TMC1: variants seen among roughly 807,000 people sequenced by gnomAD.
TMC1 encodes the protein transmembrane channel-like protein 1.
In TMC1, 84 loss-of-function variants were observed where a neutral mutation model predicts 105.8. That is an observed-to-expected ratio of 0.79 (90% CI 0.67 to 0.95). The LOEUF is 0.95. Ranked by LOEUF, TMC1 falls within the 40% of genes least tolerant of loss-of-function variation. The probability of loss-of-function intolerance (pLI) is 0.00; values close to 1 mark genes in which losing one functional copy is unlikely to be tolerated. For missense variants in TMC1, 817 were observed against 914.1 expected, an observed-to-expected ratio of 0.89 and a Z score of 1.37; for synonymous variants, 315 against 311.5, an observed-to-expected ratio of 1.01 and a Z score of -0.12.
At chr9:72,710,314 A>G (rs1418028223) in intron 8 of TMC1, among the ~76,000 whole-genome samples, 4 of 152,012 alleles carry the variant, frequency 2.6e-5, no homozygotes, top group African/African-American at 7.2e-5. Flanking sequence ...TGGAATGTAT[A>G]CTCTGTGGTT....
rs915678834 is a variant in TMC1, at chr9:72,638,075, C to T, written c.-53+10012C>T. On this transcript the variant is annotated intron_variant, in intron 4 of 23. Transcript: ENST00000297784. The stretch of plus-strand genomic sequence containing the variant: ...TATTGATCATGCTGCCTCCCACCAC[C>T]ACCCCCTTCATTCCAGATCTGCTCA... Among the ~76,000 whole-genome samples, 9 of 151,888 alleles carry T rather than the reference C, an allele frequency of 5.9e-5. No individual in the cohort carries two copies. In the East Asian group the frequency reaches 1.6e-3, roughly 26 times the overall value.
chr9:72,669,607 C>T (rs1826096679), intron 5 of TMC1, among the ~76,000 whole-genome samples: 1 of 151,824 alleles, frequency 6.6e-6, no homozygotes, highest in Admixed American at 6.6e-5. Flanking sequence ...TAACCCTTCT[C>T]TTAAAATTGG....
At chr9:72,777,068 C>G (rs1463356856) in intron 13 of TMC1, among the ~76,000 whole-genome samples, 3 of 152,088 alleles carry the variant, frequency 2.0e-5, no homozygotes, top group Non-Finnish European at 4.4e-5. Context: ...CTTGCATATT[C>G]CAAGATAAAT....
chr9:72,611,018 G>A (rs950441556), intron 2 of TMC1, among the ~76,000 whole-genome samples: 2 of 152,180 alleles, frequency 1.3e-5, no homozygotes, highest in Admixed American at 1.3e-4. Flanking sequence ...TCAAGACTGG[G>A]TAAATGGAAA....
intron 2 of TMC1, among the ~76,000 whole-genome samples, chr9:72,607,002 TAGAGAG>T (rs57741839): frequency 3.7e-5 from 5 of 134,906 alleles, no homozygotes; most frequent in South Asian, 2.5e-4. Flanking sequence ...TATATATATA[TAGAGAG>T]AGAGAGAGAG....
chr9:72,787,950 C>A (rs1828197750), intron 13 of TMC1, among the ~76,000 whole-genome samples: 1 of 152,124 alleles, frequency 6.6e-6, no homozygotes, highest in Non-Finnish European at 1.5e-5. Context: ...ATGTAAAAGT[C>A]AGTATATATG....
intron 5 of TMC1, among the ~76,000 whole-genome samples, chr9:72,664,188 C>T (rs570731345): frequency 2.0e-5 from 3 of 152,268 alleles, no homozygotes; most frequent in East Asian, 1.9e-4. Flanking sequence ...GTAACAGAGT[C>T]GGTTATTATC....
intron 8 of TMC1, among the ~76,000 whole-genome samples, chr9:72,723,479 A>G (rs1827065309): frequency 6.6e-6 from 1 of 152,204 alleles, no homozygotes; most frequent in Non-Finnish European, 1.5e-5. Flanking sequence ...GCTATAAACT[A>G]TCCTGCATCT....
intron 8 of TMC1, among the ~76,000 whole-genome samples, chr9:72,715,696 G>T (rs143967635): frequency 3.3e-5 from 5 of 151,210 alleles, no homozygotes; most frequent in African/African-American, 4.9e-5. Context: ...CTTTTCATTG[G>T]GTTAGAACAT....
At chr9:72,561,296 C>T (rs1211922922) in intron 1 of TMC1, among the ~76,000 whole-genome samples, 4 of 114,884 alleles carry the variant, frequency 3.5e-5, no homozygotes, top group South Asian at 3.0e-4. Context: ...CCAGCCTGGG[C>T]GGCAGAGCGA....
chr9:72,650,880 A>ATATATATATATATATT, intron 5 of TMC1, among the ~76,000 whole-genome samples: 1 of 131,704 alleles, frequency 7.6e-6, no homozygotes, highest in African/African-American at 2.9e-5. Context: ...TTTTATATAT[A>ATATATATATATATATT]TAGATATATA....
intron 1 of TMC1, among the ~76,000 whole-genome samples, chr9:72,522,547 G>A (rs1014196306): frequency 6.6e-6 from 1 of 152,176 alleles, no homozygotes; most frequent in African/African-American, 2.4e-5. Context: ...TGAGCACAGG[G>A]ACAAGAGAAA....
intron 2 of TMC1, 191 bp downstream of exon 2, chr9:72,578,214 T>C (rs1824417048): frequency 6.6e-6 from 1 of 152,210 alleles, no homozygotes; most frequent in Non-Finnish European, 1.5e-5. Flanking sequence ...TTGAGCACAT[T>C]ATCTTCTCTT....
intron 1 of TMC1, among the ~76,000 whole-genome samples, chr9:72,550,814 G>A (rs1180773266): frequency 6.6e-6 from 1 of 152,096 alleles, no homozygotes; most frequent in Non-Finnish European, 1.5e-5. Context: ...GGAACCTATA[G>A]CTAGATTGCC....
intron 5 of TMC1, among the ~76,000 whole-genome samples, chr9:72,669,257 T>C (rs890383183): frequency 2.6e-5 from 4 of 152,120 alleles, no homozygotes; most frequent in South Asian, 4.2e-4. Context: ...AGCAGTGAGC[T>C]GGAATTGCAC....
At chr9:72,830,739 T>TG in intron 23 of TMC1, 57 bp downstream of exon 23, 2 of 210,064 alleles carry the variant, frequency 9.5e-6, no homozygotes, top group East Asian at 1.9e-4. Flanking sequence ...TTTTTCTTTC[T>TG]TTTTTTTTTT....
At chr9:72,679,205 G>GT (rs763972517) in intron 5 of TMC1, among the ~76,000 whole-genome samples, 1 of 152,072 alleles carries the variant, frequency 6.6e-6, no homozygotes, top group Non-Finnish European at 1.5e-5. Context: ...GGACAAATGG[G>GT]TTTGTTTTTT....
chr9:72,652,641 A>T (rs1825831361), intron 5 of TMC1, among the ~76,000 whole-genome samples: 1 of 152,196 alleles, frequency 6.6e-6, no homozygotes, highest in African/African-American at 2.4e-5. Context: ...AATGATGACA[A>T]TTCTTAATTG....
chr9:72,728,818 G>C (rs73647804), intron 8 of TMC1, among the ~76,000 whole-genome samples: 1 of 151,818 alleles, frequency 6.6e-6, no homozygotes, highest in Non-Finnish European at 1.5e-5. Context: ...AAGCAATCAA[G>C]TACAAATCAG....
Sources: allele counts gnomAD v4.1 joint callset (sites outside exome capture counted in the v4.1 genomes callset), GRCh38; gene constraint gnomAD v4.1.1; transcripts MANE v1.5; gene names NCBI Gene and HGNC (gene_info 2026-07-23, HGNC 2026-07-21).